The following PPP1R13B variants were observed in gnomAD, a reference collection of about 807,000 sequenced individuals.
The protein encoded by PPP1R13B is apoptosis-stimulating of p53 protein 1.
In PPP1R13B, 44 loss-of-function variants were observed where a neutral mutation model predicts 119.8. The observed-to-expected ratio is 0.37, with a 90% CI of 0.29 to 0.47. The LOEUF is 0.47. PPP1R13B is among the 20% of genes least tolerant of loss of function. The pLI is 0.99. For missense variants in PPP1R13B, 1,227 were observed against 1,413.5 expected, an observed-to-expected ratio of 0.87 and a Z score of 2.12; for synonymous variants, 542 against 561.5, an observed-to-expected ratio of 0.97 and a Z score of 0.49.
At position 103,738,022 on chromosome 14, in the gene PPP1R13B, G is replaced by A. The variant is rs2084157314; in HGVS notation, c.2865-162C>T. 6.6e-6 allele frequency among the ~76,000 whole-genome samples: 1 copy of A among 152,220 alleles called. No homozygotes were observed. The highest frequency in any genetic ancestry group is 1.5e-5 in the Non-Finnish European group (1 of 68,036). ...AAGGCAGGATTTCCATGAGCCAATT[G>A]TTTCAGACCATACATACATTTTGAA... is the stretch of plus-strand genomic sequence containing the variant. On this transcript the variant is annotated intron_variant, in intron 14 of 16. Coordinates refer to ENST00000202556, the MANE Select transcript of PPP1R13B (RefSeq NM_015316.3). This position sits in a 1 kb window ranked among gnomAD's most constrained non-coding sequence, Gnocchi z 5.6.
At chr14:103,835,671 C>T (rs1380129757) in intron 1 of PPP1R13B, among the ~76,000 whole-genome samples, 2 of 151,486 alleles carry the variant, frequency 1.3e-5, no homozygotes, top group African/African-American at 2.4e-5. Context: ...TGCAGTGGCA[C>T]GATCTCGGCT....
rs370099357 is a variant in PPP1R13B at position 103,752,980 on chromosome 14, T to C, written c.828+20A>G. ...AGATGAGAATGTTTTAATACAACCA[T>C]TGCCAGACCCAGGAGTTACCTGTAG... On this transcript the variant is annotated intron_variant, in intron 7 of 16. Transcript: ENST00000202556. 9.0e-5 allele frequency: 145 copies of C among 1,608,544 alleles called. No individual in the cohort carries two copies. In the Middle Eastern group the frequency reaches 1.3e-3, roughly 15 times the overall value.
chr14:103,766,047 C>G (rs1456517673), intron 4 of PPP1R13B, among the ~76,000 whole-genome samples: 1 of 149,926 alleles, frequency 6.7e-6, no homozygotes, highest in Non-Finnish European at 1.5e-5. Flanking sequence ...CTAGCTCTGT[C>G]GCCCAGGCTT....
chr14:103,823,566 A>G (rs1209038742), intron 1 of PPP1R13B, among the ~76,000 whole-genome samples: 2 of 152,260 alleles, frequency 1.3e-5, no homozygotes, highest in East Asian at 3.9e-4. Context: ...CTTGTCACCA[A>G]GATCTTATAC....
At chr14:103,768,463 A>AT (rs1396813581) in intron 4 of PPP1R13B, among the ~76,000 whole-genome samples, 3 of 151,482 alleles carry the variant, frequency 2.0e-5, no homozygotes, top group Non-Finnish European at 4.4e-5. Context: ...CGCCCGGCTA[A>AT]TTTTTTTTGT....
chr14:103,847,382 G>T lies in PPP1R13B; in HGVS notation c.-75C>A, dbSNP rs2087076292. 1.5e-5 allele frequency: 16 copies of T among 1,102,504 alleles called. No homozygotes were observed. In the South Asian group the frequency reaches 1.9e-4, roughly 13 times the overall value. 68.3% of individuals were successfully genotyped at this position (1,102,504 alleles called of 1,614,324 possible). A position where few individuals can be genotyped will look rare whatever the true frequency, so the allele number is the denominator to read the frequency against. On this transcript the variant is annotated 5_prime_UTR_variant, in exon 1 of 17. Coordinates refer to ENST00000202556, the MANE Select transcript of PPP1R13B (RefSeq NM_015316.3). ...GCGCCGAGCTGTGCCCACCGCTCCG[G>T]CCGCCTCCTAAGGCCGCGCTCCCGC...
At chr14:103,784,127 G>T (rs1482741491) in intron 3 of PPP1R13B, among the ~76,000 whole-genome samples, 1 of 152,122 alleles carries the variant, frequency 6.6e-6, no homozygotes, top group African/African-American at 2.4e-5. Context: ...AGTGAGCTGA[G>T]ATTGTGCCAC....
intron 1 of PPP1R13B, among the ~76,000 whole-genome samples, chr14:103,828,421 G>C (rs2086599505): frequency 6.6e-6 from 1 of 150,774 alleles, no homozygotes; most frequent in Non-Finnish European, 1.5e-5. Context: ...GTGTAAGGCA[G>C]TGTTACCTTT....
intron 4 of PPP1R13B, chr14:103,763,065 C>A: frequency 1.6e-6 from 2 of 1,267,144 alleles, no homozygotes; most frequent in Non-Finnish European, 2.3e-6. Flanking sequence ...TTAAAAGATT[C>A]GTTGTCACCA....
At chr14:103,756,243 C>T (rs1039895152) in intron 5 of PPP1R13B, among the ~76,000 whole-genome samples, 1 of 152,148 alleles carries the variant, frequency 6.6e-6, no homozygotes, top group Non-Finnish European at 1.5e-5. Flanking sequence ...GCGTTAGCCA[C>T]TACATCTGGC....
chr14:103,836,727 G>A (rs528666452), intron 1 of PPP1R13B, among the ~76,000 whole-genome samples: 7 of 148,782 alleles, frequency 4.7e-5, no homozygotes, highest in South Asian at 2.1e-4. Flanking sequence ...CCAAGATAGC[G>A]CCATCGCACT....
Position 103,823,851 on chromosome 14 carries a change from A to G in PPP1R13B, c.9+23448T>C, listed in dbSNP as rs551139625. Reference sequence around the variant, plus strand: ...ACACTTTAAAAAAAAAAGTCAACCAATAGAGGAAATAAAAAATAGCCCCCT... The same window carrying G: ...ACACTTTAAAAAAAAAAGTCAACCAGTAGAGGAAATAAAAAATAGCCCCCT... On this transcript the variant is annotated intron_variant, in intron 1 of 16. Coordinates refer to ENST00000202556, the MANE Select transcript of PPP1R13B (RefSeq NM_015316.3). Among the ~76,000 whole-genome samples the G allele has an allele frequency of 2.0e-5, 3 of 152,114 alleles. No individual in the cohort carries two copies. In the South Asian group the frequency reaches 6.2e-4, roughly 32 times the overall value.
At chr14:103,809,884 T>G (rs1489450488) in intron 1 of PPP1R13B, among the ~76,000 whole-genome samples, 1 of 151,320 alleles carries the variant, frequency 6.6e-6, no homozygotes, top group East Asian at 2.1e-4. Context: ...TGGAGTGCAG[T>G]GGCACGATCT....
intron 1 of PPP1R13B, among the ~76,000 whole-genome samples, chr14:103,823,720 T>C (rs756854601): frequency 6.6e-6 from 1 of 152,184 alleles, no homozygotes; most frequent in South Asian, 2.1e-4. Context: ...ACATTTACTA[T>C]ATGCTGGACT....
intron 7 of PPP1R13B, among the ~76,000 whole-genome samples, chr14:103,750,492 C>T (rs2084512414): frequency 6.6e-6 from 1 of 152,206 alleles, no homozygotes; most frequent in Non-Finnish European, 1.5e-5. Context: ...AGTACATACA[C>T]ACTTCCGTGT....
intron 4 of PPP1R13B, chr14:103,764,256 A>T (rs1357604220): frequency 6.1e-6 from 1 of 164,828 alleles, no homozygotes; most frequent in Non-Finnish European, 1.3e-5. Context: ...GTGTGTCCAC[A>T]TTCTTGCTAA....
chr14:103,799,000 T>TGTTC (rs2085829218), intron 1 of PPP1R13B, among the ~76,000 whole-genome samples: 3 of 149,978 alleles, frequency 2.0e-5, no homozygotes, highest in Admixed American at 2.0e-4. Flanking sequence ...TTTTTTTGTT[T>TGTTC]GTTTGTTTGT....
chr14:103,750,610 C>T (rs1207891069), intron 7 of PPP1R13B, among the ~76,000 whole-genome samples: 4 of 152,158 alleles, frequency 2.6e-5, no homozygotes, highest in Non-Finnish European at 5.9e-5. Context: ...GTGGGTGGAT[C>T]ACCTGAGGTC....
chr14:103,811,680 C>G (rs997304888), intron 1 of PPP1R13B, among the ~76,000 whole-genome samples: 3 of 151,594 alleles, frequency 2.0e-5, no homozygotes, highest in East Asian at 1.9e-4. Context: ...AGAGTGAGAC[C>G]GTCACTAAAT....
Sources: gnomAD v4.1 joint callset for allele counts (sites outside exome capture counted in the v4.1 genomes callset) on GRCh38, gnomAD v4.1.1 for gene constraint, Gnocchi (gnomAD v3.1) non-coding constraint, MANE v1.5 for transcripts, NCBI Gene and HGNC (gene_info 2026-07-23, HGNC 2026-07-21) for gene names.